GTPBP6: variants seen among roughly 807,000 people sequenced by gnomAD.
The protein encoded by GTPBP6 is GTP binding protein 6, also known as putative GTP-binding protein 6.
GTPBP6 carries 33 observed loss-of-function variants against 28.9 expected under a neutral mutation model. That is an observed-to-expected ratio of 1.14 (90% CI 0.87 to 1.53). GTPBP6 has a LOEUF of 1.53. GTPBP6 is among the 40% of genes most tolerant of loss of function. The pLI is 0.00. For synonymous variants in GTPBP6, 231 were observed against 192.7 expected, an observed-to-expected ratio of 1.20 and a Z score of -1.65; for missense variants, 507 against 408.3, an observed-to-expected ratio of 1.24 and a Z score of -2.08.
At chrX:305,063 T>G in exon 10 of GTPBP6, 1 of 1,611,820 alleles carries the variant, frequency 6.2e-7, no homozygotes, top group African/African-American at 1.3e-5. Context: ...CAGGCCTCTG[T>G]GGGCGTCCGT....
chrX:312,873 T>G (rs753464419), exon 6 of GTPBP6: 32 of 1,612,702 alleles, frequency 2.0e-5, no homozygotes, highest in Non-Finnish European at 2.7e-5. Flanking sequence ...CTTCCTGATC[T>G]TGGCCTCCTT....
intron 9 of GTPBP6, among the ~76,000 whole-genome samples, 176 bp from the exon 10 acceptor site, chrX:305,373 G>C (rs745357383): frequency 4.7e-5 from 7 of 149,944 alleles, no homozygotes; most frequent in Non-Finnish European, 8.8e-5. Context: ...GTAGGCTGGA[G>C]TGCAGTGGCG....
intron 5 of GTPBP6, among the ~76,000 whole-genome samples, chrX:313,754 C>CAA (rs1428469105): frequency 1.1e-3 from 163 of 152,128 alleles, no homozygotes; most frequent in African/African-American, 3.7e-3. Flanking sequence ...CCCAGGGATG[C>CAA]CTGGAGCCCC....
chrX:317,697 C>T (rs1379694653), intron 1 of GTPBP6, among the ~76,000 whole-genome samples: 1 of 9,608 alleles, frequency 1.0e-4, no homozygotes, highest in East Asian at 4.6e-3. Flanking sequence ...GCCCACCCAA[C>T]CCCACCCCAC....
chrX:318,209 C>T (rs1342964511), intron 1 of GTPBP6, among the ~76,000 whole-genome samples: 58 of 151,236 alleles, frequency 3.8e-4, no homozygotes, highest in Non-Finnish European at 8.0e-4. Context: ...TATGATTCTC[C>T]CGAGTCCCGC....
chrX:307,131 G>C (rs1314953164), intron 9 of GTPBP6, among the ~76,000 whole-genome samples: 3 of 151,984 alleles, frequency 2.0e-5, no homozygotes, highest in Admixed American at 6.5e-5. Context: ...TTAGGCACCT[G>C]TTGTATGCAC....
chrX:312,025 T>G, intron 6 of GTPBP6: 1 of 471,172 alleles, frequency 2.1e-6, no homozygotes. Flanking sequence ...TGGGTGGATA[T>G]AGATACGGCA....
chrX:313,734 C>T (rs1049428319), intron 5 of GTPBP6, among the ~76,000 whole-genome samples: 26 of 147,514 alleles, frequency 1.8e-4, no homozygotes, highest in African/African-American at 5.0e-4. Context: ...TGGAGTGACG[C>T]GGCCACAAAC....
chrX:315,574 AC>A (rs2065627967), intron 2 of GTPBP6, among the ~76,000 whole-genome samples: 26 of 150,612 alleles, frequency 1.7e-4, no homozygotes, highest in East Asian at 3.9e-4. Flanking sequence ...ACACACACAC[AC>A]ACACACACAC....
At chrX:313,165 C>T (rs2070350549) in intron 5 of GTPBP6, among the ~76,000 whole-genome samples, 2 of 152,224 alleles carry the variant, frequency 1.3e-5, no homozygotes, top group African/African-American at 4.8e-5. Context: ...CTTCCCGTGA[C>T]TCGGGGAGAA....
At chrX:317,926 T>C (rs2070470986) in intron 1 of GTPBP6, among the ~76,000 whole-genome samples, 1 of 132,984 alleles carries the variant, frequency 7.5e-6, no homozygotes. Flanking sequence ...CCTCCACCTA[T>C]GAGATCCTCC....
At chrX:317,230 G>A (rs1327962265) in intron 1 of GTPBP6, among the ~76,000 whole-genome samples, 179 bp from the exon 2 acceptor site, 1 of 152,112 alleles carries the variant, frequency 6.6e-6, no homozygotes, top group Non-Finnish European at 1.5e-5. Flanking sequence ...AATCTGACGG[G>A]AGAAGGACAC....
intron 8 of GTPBP6, 83 bp downstream of exon 8, chrX:307,649 C>T: frequency 7.0e-7 from 1 of 1,428,452 alleles, no homozygotes; most frequent in East Asian, 2.5e-5. Flanking sequence ...CTGCGGTTCA[C>T]ACGAGGAGAC....
exon 8 of GTPBP6, chrX:307,805 G>A (rs376711016): frequency 3.9e-5 from 60 of 1,552,688 alleles, no homozygotes; most frequent in Admixed American, 3.5e-4. Flanking sequence ...TGCAGGCCAC[G>A]CAGCGTGGAC....
intron 9 of GTPBP6, among the ~76,000 whole-genome samples, chrX:306,569 T>C (rs1489907990): frequency 6.6e-6 from 1 of 151,042 alleles, no homozygotes; most frequent in Non-Finnish European, 1.5e-5. Flanking sequence ...CAGTCAGAAA[T>C]GTATTTTTAC....
At chrX:315,680 A>C in intron 2 of GTPBP6, among the ~76,000 whole-genome samples, 1 of 13,682 alleles carries the variant, frequency 7.3e-5, no homozygotes, top group African/African-American at 2.9e-4. Flanking sequence ...AGGGACACAA[A>C]CACATACACA....
At chrX:311,591 G>C (rs1418929981) in exon 7 of GTPBP6, 1 of 1,612,184 alleles carries the variant, frequency 6.2e-7, no homozygotes, top group Non-Finnish European at 8.5e-7. Context: ...CTGGATGGCG[G>C]CATCGCCCGT....
At position 314,536 on chromosome X, in the gene GTPBP6, G is replaced by GCA. The variant is rs1569354298; in HGVS notation, c.690-320_690-319insTG. Reference sequence around the variant, plus strand: ...CACCCAGGCTGGAGTGCAGTGGCGTGATCTCGGCTCACTGCAAGCTCCACC... The same window carrying GCA: ...CACCCAGGCTGGAGTGCAGTGGCGTGCAATCTCGGCTCACTGCAAGCTCCACC... On this transcript the variant is annotated intron_variant, in intron 4 of 9. Coordinates refer to ENST00000326153, the Ensembl canonical transcript of GTPBP6. Among the ~76,000 whole-genome samples, 258 of 151,560 alleles carry GCA rather than the reference G, an allele frequency of 1.7e-3. 2 individuals carry two copies. Among genetic ancestry groups the GCA allele is most frequent in the South Asian group, 7.9e-3 (38 of 4,820 alleles).
At chrX:308,332 G>GA (rs370122329) in intron 7 of GTPBP6, among the ~76,000 whole-genome samples, 31 of 150,910 alleles carry the variant, frequency 2.1e-4, no homozygotes, top group East Asian at 1.2e-3. Flanking sequence ...AAAACACAGG[G>GA]AAAAAAAAAT....
Sources: allele counts gnomAD v4.1 joint callset (sites outside exome capture counted in the v4.1 genomes callset), GRCh38; gene constraint gnomAD v4.1.1; transcripts MANE v1.5; gene names NCBI Gene and HGNC (gene_info 2026-07-23, HGNC 2026-07-21).